The following FREM1 variants were observed in gnomAD, a reference collection of about 807,000 sequenced individuals.
The protein encoded by FREM1 is FRAS1-related extracellular matrix protein 1.
Under a neutral mutation model 210.1 loss-of-function variants are expected in FREM1, and 220 were observed. That is an observed-to-expected ratio of 1.05 (90% CI 0.94 to 1.17). The LOEUF (loss-of-function observed/expected upper bound fraction) is 1.17, where lower values mean the gene tolerates loss of function less well. Ranked by LOEUF, FREM1 falls within the 50% of genes most tolerant of loss-of-function variation. The pLI, the probability that FREM1 is intolerant of heterozygous loss-of-function variation, is 0.00. For synonymous variants in FREM1, 1,189 were observed against 980.2 expected (o/e 1.21, Z -3.98); for missense variants, 3,454 against 2,675.5 (o/e 1.29, Z -6.42).
At chr9:14,900,567 T>G (rs4741443) in intron 1 of FREM1, among the ~76,000 whole-genome samples, 1 of 151,604 alleles carries the variant, frequency 6.6e-6, no homozygotes, top group Non-Finnish European at 1.5e-5. Context: ...CCCAGTGTGG[T>G]GGTGGTTGGT....
chr9:14,867,333 A>G (rs577317557), intron 2 of FREM1, among the ~76,000 whole-genome samples: 19 of 152,316 alleles, frequency 1.2e-4, no homozygotes, highest in African/African-American at 4.6e-4. Flanking sequence ...TCAGAATGCA[A>G]GTATAATTGG....
intron 14 of FREM1, among the ~76,000 whole-genome samples, chr9:14,818,137 A>G (rs557085976): frequency 6.6e-6 from 1 of 152,312 alleles, no homozygotes; most frequent in South Asian, 2.1e-4. Flanking sequence ...TGCAGATTAA[A>G]TTTTCAAAAA....
chr9:14,900,168 T>G (rs888858955), intron 1 of FREM1, among the ~76,000 whole-genome samples: 1 of 152,088 alleles, frequency 6.6e-6, no homozygotes, highest in African/African-American at 2.4e-5. Context: ...CCAAGATGAG[T>G]TGCCTCCTTC....
intron 19 of FREM1, 134 bp downstream of exon 19, chr9:14,804,822 C>T (rs1476851727): frequency 5.1e-6 from 3 of 587,716 alleles, no homozygotes; most frequent in Non-Finnish European, 8.9e-6. Context: ...CAAATGATTG[C>T]ATTACATAAC....
intron 28 of FREM1, among the ~76,000 whole-genome samples, chr9:14,758,349 T>G (rs1489849196): frequency 1.3e-5 from 2 of 152,066 alleles, no homozygotes; most frequent in East Asian, 1.9e-4. Context: ...GGCCCAAAAC[T>G]CCAGCCTAGA....
chr9:14,750,532 A>G (rs1264531198), intron 29 of FREM1, among the ~76,000 whole-genome samples: 1 of 152,238 alleles, frequency 6.6e-6, no homozygotes, highest in Non-Finnish European at 1.5e-5. Flanking sequence ...AAGGGATAAA[A>G]AAAAAATGGT....
intron 2 of FREM1, 79 bp downstream of exon 2, chr9:14,868,665 T>A: frequency 1.1e-6 from 1 of 904,352 alleles, no homozygotes; most frequent in Non-Finnish European, 1.8e-6. Flanking sequence ...ATTTTACATC[T>A]GTTCTCTGTC....
intron 24 of FREM1, 36 bp from the exon 25 acceptor site, chr9:14,776,239 TTCTTGTGTCACCA>T: frequency 6.6e-7 from 1 of 1,505,138 alleles, no homozygotes; most frequent in Non-Finnish European, 8.9e-7. Context: ...TCAGCATGGA[TTCTTGTGTCACCA>T]TCTACTGGAA....
chr9:14,859,623 A>C (rs1588418369), intron 3 of FREM1, 139 bp from the exon 4 acceptor site: 1 of 676,888 alleles, frequency 1.5e-6, no homozygotes, highest in Non-Finnish European at 2.5e-6. Context: ...TTCTTGCTCT[A>C]CTCCCAGCCT....
intron 1 of FREM1, among the ~76,000 whole-genome samples, chr9:14,890,653 C>T (rs964987507): frequency 6.6e-6 from 1 of 152,122 alleles, no homozygotes; most frequent in Non-Finnish European, 1.5e-5. Context: ...ACATTTCTGG[C>T]CATGCCCGAT....
chr9:14,869,867 G>C (rs1317085559), intron 1 of FREM1, among the ~76,000 whole-genome samples: 1 of 152,180 alleles, frequency 6.6e-6, no homozygotes, highest in Non-Finnish European at 1.5e-5. Context: ...CGAATGAGGT[G>C]ACATAGCTTC....
intron 24 of FREM1, 31 bp from the exon 25 acceptor site, chr9:14,776,234 A>T (rs780753274): frequency 2.7e-6 from 4 of 1,508,074 alleles, no homozygotes; most frequent in Non-Finnish European, 3.5e-6. Flanking sequence ...AGCCTTCAGC[A>T]TGGATTCTTG....
At chr9:14,802,355 G>A (rs559984749) in intron 19 of FREM1, among the ~76,000 whole-genome samples, 1 of 152,130 alleles carries the variant, frequency 6.6e-6, no homozygotes, top group Admixed American at 6.5e-5. Flanking sequence ...AGCATATTTG[G>A]TGGTTTTTAT....
At chr9:14,890,385 A>C (rs971924374) in intron 1 of FREM1, among the ~76,000 whole-genome samples, 2 of 152,244 alleles carry the variant, frequency 1.3e-5, no homozygotes, top group African/African-American at 4.8e-5. Flanking sequence ...GCCACAAAAA[A>C]AGTTCACCAT....
intron 1 of FREM1, among the ~76,000 whole-genome samples, chr9:14,878,977 G>A (rs539141334): frequency 7.3e-4 from 111 of 152,114 alleles, no homozygotes; most frequent in African/African-American, 2.6e-3. Context: ...CCATCACGGT[G>A]AAACCCCTGT....
intron 36 of FREM1, among the ~76,000 whole-genome samples, chr9:14,738,801 G>C (rs1271956301): frequency 2.6e-5 from 4 of 151,972 alleles, no homozygotes; most frequent in Non-Finnish European, 5.9e-5. Flanking sequence ...CCTGAGGTCA[G>C]GAGTTCGAGA....
intron 27 of FREM1, among the ~76,000 whole-genome samples, chr9:14,767,920 A>C (rs1846742574): frequency 6.6e-6 from 1 of 152,196 alleles, no homozygotes; most frequent in Non-Finnish European, 1.5e-5. Flanking sequence ...GTTGAACTGG[A>C]AACATCTCCA....
At chr9:14,887,179 C>A (rs1267115232) in intron 1 of FREM1, among the ~76,000 whole-genome samples, 1 of 152,094 alleles carries the variant, frequency 6.6e-6, no homozygotes, top group African/African-American at 2.4e-5. Context: ...GAAAGTGGTT[C>A]TCTTCTTTGT....
At chr9:14,860,770 T>A (rs1167899279) in intron 3 of FREM1, among the ~76,000 whole-genome samples, 13 of 110,550 alleles carry the variant, frequency 1.2e-4, no homozygotes, top group Admixed American at 4.9e-4. Flanking sequence ...TGCACATATA[T>A]ACACATATAT....
Sources: allele counts gnomAD v4.1 joint callset (sites outside exome capture counted in the v4.1 genomes callset), GRCh38; gene constraint gnomAD v4.1.1; transcripts MANE v1.5; gene names NCBI Gene and HGNC (gene_info 2026-07-23, HGNC 2026-07-21).